PXMP4: variants seen among roughly 807,000 people sequenced by gnomAD.
The protein encoded by PXMP4 is peroxisomal membrane protein 4.
PXMP4 carries 16 observed loss-of-function variants against 21.6 expected under a neutral mutation model. The observed-to-expected ratio is 0.74, with a 90% confidence interval of 0.50 to 1.13. PXMP4 has a LOEUF of 1.13. Ranked by LOEUF, PXMP4 falls within the 50% of genes most tolerant of loss-of-function variation. The pLI, the probability that PXMP4 is intolerant of heterozygous loss-of-function variation, is 0.00. For missense variants in PXMP4, 240 were observed against 277.7 expected (o/e 0.86, Z 0.96); for synonymous variants, 127 against 123.8 (o/e 1.03, Z -0.17).
chr20:33,709,062 A>AG (rs1440880856), intron 3 of PXMP4, among the ~76,000 whole-genome samples: 4 of 152,202 alleles, frequency 2.6e-5, no homozygotes, highest in African/African-American at 9.7e-5. Context: ...GGAGACCAAG[A>AG]GGGGGTGCAT....
intron 1 of PXMP4, among the ~76,000 whole-genome samples, chr20:33,719,678 G>A (rs1347216136): frequency 6.6e-6 from 1 of 152,178 alleles, no homozygotes; most frequent in East Asian, 1.9e-4. Flanking sequence ...CAAGCCCATG[G>A]GCAAGCTTCA....
rs368893065 is a variant in PXMP4 at position 33,720,085 on chromosome 20, C to T, written c.113+10G>A. ...CCTCAGCCCCAGCCCGGCCCGACGG[C>T]CCCACTCACACAGCCCCGTTCCGGA... On this transcript the variant is annotated intron_variant, in intron 1 of 3. Coordinates refer to ENST00000409299, the MANE Select transcript of PXMP4 (RefSeq NM_007238.5). 6.2e-6 allele frequency: 10 copies of T among 1,612,224 alleles called. No individual in the cohort carries two copies. The highest frequency in any genetic ancestry group is 3.3e-4 in the Middle Eastern group (2 of 6,070).
In PXMP4 at chr20:33,707,623, T is replaced by G; in HGVS notation, c.*83A>C. On this transcript the variant is annotated 3_prime_UTR_variant, in exon 4 of 4. Transcript: ENST00000409299. ...ATAACACCAGTTGGAGTCTGAGGCC[T>G]ATGATCTTGAGAAGGCAGTATCCTT... is the stretch of plus-strand genomic sequence containing the variant. 6.6e-7 allele frequency: 1 copy of G among 1,524,440 alleles called. No individual in the cohort carries two copies. Among genetic ancestry groups the G allele is most frequent in the Non-Finnish European group, 8.9e-7 (1 of 1,122,618 alleles). 94.4% of individuals were successfully genotyped at this position (1,524,440 alleles called of 1,614,324 possible). A position where few individuals can be genotyped will look rare whatever the true frequency, so the allele number is the denominator to read the frequency against.
intron 2 of PXMP4, among the ~76,000 whole-genome samples, chr20:33,713,854 C>T (rs1395275902): frequency 6.6e-6 from 1 of 152,188 alleles, no homozygotes; most frequent in Admixed American, 6.5e-5. Flanking sequence ...GACCGCAACC[C>T]GTTTTCTGAG....
Position 33,710,609 on chromosome 20 carries a change from C to T in PXMP4, c.321G>A (p.Ala107=), listed in dbSNP as rs1202682689. Residue 107 remains alanine (A), a synonymous_variant, in exon 3 of 4, where the codon GCG becomes GCA. Transcript: ENST00000409299. ...GKTYPAHAFL[A]AFLGGILVFG... ...ACACCAGGATACCCCCGAGGAAGGC[C>T]GCCAGGAATGCGTGTGCTGGGTAGG... 7 of 1,613,706 alleles carry T rather than the reference C, an allele frequency of 4.3e-6. No homozygotes were observed. The highest frequency in any genetic ancestry group is 4.0e-5 in the African/African-American group (3 of 74,808).
At position 33,707,619 on chromosome 20, in the gene PXMP4, G is replaced by C. The variant is rs2018271839; in HGVS notation, c.*87C>G. On this transcript the variant is annotated 3_prime_UTR_variant, in exon 4 of 4. Coordinates refer to ENST00000409299, the MANE Select transcript of PXMP4 (RefSeq NM_007238.5). ...TGGGATAACACCAGTTGGAGTCTGAGGCCTATGATCTTGAGAAGGCAGTAT... is the reference window on the plus strand; with the variant it reads ...TGGGATAACACCAGTTGGAGTCTGACGCCTATGATCTTGAGAAGGCAGTAT... 2.0e-6 allele frequency: 3 copies of C among 1,507,094 alleles called. No individual in the cohort carries two copies. The highest frequency in any genetic ancestry group is 2.5e-5 in the South Asian group (2 of 79,152). The allele number at this position is 1,507,094 out of a possible 1,614,324, so 93.4% of individuals were successfully genotyped here. A position where few individuals can be genotyped will look rare whatever the true frequency, so the allele number is the denominator to read the frequency against.
intron 2 of PXMP4, among the ~76,000 whole-genome samples, chr20:33,711,999 A>G (rs2122585904): frequency 6.6e-6 from 1 of 151,486 alleles, no homozygotes; most frequent in East Asian, 1.9e-4. Context: ...AAAAAAAAAA[A>G]TCACTAGGGG....
In PXMP4 at chr20:33,707,515, A is replaced by G; in HGVS notation, c.*191T>C. On this transcript the variant is annotated 3_prime_UTR_variant, in exon 4 of 4. Transcript: ENST00000409299. ...ACCAAGCCGTAGATTCCTCAGCCTGATTCGGCCACTTGTGCCACCATACAA... is the reference window on the plus strand; with the variant it reads ...ACCAAGCCGTAGATTCCTCAGCCTGGTTCGGCCACTTGTGCCACCATACAA... The G allele has an allele frequency of 1.2e-6, 1 of 803,126 alleles. No homozygotes were observed. Among genetic ancestry groups the G allele is most frequent in the Non-Finnish European group, 1.9e-6 (1 of 529,864 alleles). 49.7% of individuals were successfully genotyped at this position (803,126 alleles called of 1,614,324 possible). A position where few individuals can be genotyped will look rare whatever the true frequency, so the allele number is the denominator to read the frequency against.
In PXMP4 at chr20:33,705,684, G is replaced by C. The variant is rs935012990; in HGVS notation, c.*2022C>G. The C allele has an allele frequency of 6.6e-6, 1 of 151,716 alleles. No individual in the cohort carries two copies. Among genetic ancestry groups the C allele is most frequent in the African/African-American group, 2.4e-5 (1 of 41,290 alleles). The allele number at this position is 151,716 out of a possible 1,614,324, so 9.4% of individuals were successfully genotyped here. On this transcript the variant is annotated 3_prime_UTR_variant, in exon 4 of 4. Transcript: ENST00000409299. ...TGTCCCCATCACTCCTCATCGCATA[G>C]CACTATGTCATTGTAGGCCCCTATG...
In PXMP4 at chr20:33,703,570, G is replaced by C. The variant is rs1482886756; in HGVS notation, c.*4136C>G. On this transcript the variant is annotated 3_prime_UTR_variant, in exon 4 of 4. Coordinates refer to ENST00000409299, the MANE Select transcript of PXMP4 (RefSeq NM_007238.5). ...AGCAGACTCTAAGACAAGGGTTTGA[G>C]TGCAAGTGGTTCATATGGGAAGTGG... 6.6e-6 allele frequency: 1 copy of C among 152,336 alleles called. No homozygotes were observed. Among genetic ancestry groups the C allele is most frequent in the Non-Finnish European group, 1.5e-5 (1 of 68,116 alleles). The allele number at this position is 152,336 out of a possible 1,614,324, so 9.4% of individuals were successfully genotyped here.
At chr20:33,708,689 A>T (rs1395568760) in intron 3 of PXMP4, among the ~76,000 whole-genome samples, 4 of 150,798 alleles carry the variant, frequency 2.7e-5, no homozygotes, top group South Asian at 2.1e-4. Context: ...AAATGGTAAA[A>T]TTTTTTTTTC....
In PXMP4 at chr20:33,717,660, T is replaced by TAAAAAAAAAAAAAAA. The variant is rs2018398410; in HGVS notation, c.113+2434_113+2435insTTTTTTTTTTTTTTT. Among the ~76,000 whole-genome samples, 27 of 109,032 alleles carry TAAAAAAAAAAAAAAA rather than the reference T, an allele frequency of 2.5e-4. 1 individual carries two copies. The highest frequency in any genetic ancestry group is 1.1e-3 in the African/African-American group (26 of 24,194). 71.5% of individuals were successfully genotyped at this position (109,032 alleles called of 152,430 possible). ...GTCTCAAAAAAAAAAAAAAAAAAATTATTAAATATTTTAAATGTTACATAA... is the reference window on the plus strand; with the variant it reads ...GTCTCAAAAAAAAAAAAAAAAAAATTAAAAAAAAAAAAAAAATTAAATATTTTAAATGTTACATAA... On this transcript the variant is annotated intron_variant, in intron 1 of 3. Transcript: ENST00000409299.
In PXMP4 at chr20:33,705,373, G is replaced by A. The variant is rs537130055; in HGVS notation, c.*2333C>T. The stretch of plus-strand genomic sequence containing the variant: ...TCCCAGCATTTTGGGAGGCCAAGGT[G>A]GGTGGATCATGAGGTCAGGAGATTG... On this transcript the variant is annotated 3_prime_UTR_variant, in exon 4 of 4. Transcript: ENST00000409299. 1 of 151,638 alleles carries A rather than the reference G, an allele frequency of 6.6e-6. No individual in the cohort carries two copies. Among genetic ancestry groups the A allele is most frequent in the Non-Finnish European group, 1.5e-5 (1 of 67,884 alleles). 9.4% of individuals were successfully genotyped at this position (151,638 alleles called of 1,614,324 possible).
At position 33,704,751 on chromosome 20, in the gene PXMP4, C is replaced by G; in HGVS notation, c.*2955G>C. 1 of 152,200 alleles carries G rather than the reference C, an allele frequency of 6.6e-6. No individual in the cohort carries two copies. Among genetic ancestry groups the G allele is most frequent in the Non-Finnish European group, 1.5e-5 (1 of 68,054 alleles). 9.4% of individuals were successfully genotyped at this position (152,200 alleles called of 1,614,324 possible). On this transcript the variant is annotated 3_prime_UTR_variant, in exon 4 of 4. Transcript: ENST00000409299. Reference sequence around the variant, plus strand: ...CTCAGAGCAGCACCACTGGCAGCACCAGGGAGCCTGGGAGAAATGCAGACT... The same window carrying G: ...CTCAGAGCAGCACCACTGGCAGCACGAGGGAGCCTGGGAGAAATGCAGACT...
Position 33,707,444 on chromosome 20 carries a change from T to C in PXMP4, c.*262A>G. 1 of 465,308 alleles carries C rather than the reference T, an allele frequency of 2.1e-6. No homozygotes were observed. The highest frequency in any genetic ancestry group is 3.9e-6 in the Non-Finnish European group (1 of 259,016). The allele number at this position is 465,308 out of a possible 1,614,324, so 28.8% of individuals were successfully genotyped here. A position where few individuals can be genotyped will look rare whatever the true frequency, so the allele number is the denominator to read the frequency against. On this transcript the variant is annotated 3_prime_UTR_variant, in exon 4 of 4. Transcript: ENST00000409299. ...TCCTTGACCCCTGAGGCCTAGAGAG[T>C]AGTGTGGCTGGCCCCAGTCTCACAG... is the stretch of plus-strand genomic sequence containing the variant.
intron 1 of PXMP4, among the ~76,000 whole-genome samples, chr20:33,716,482 C>T (rs971542989): frequency 2.0e-5 from 3 of 152,336 alleles, no homozygotes; most frequent in South Asian, 4.1e-4. Flanking sequence ...CCTCCTGATG[C>T]TCCAGCCTAG....
chr20:33,717,101 C>T (rs946260462), intron 1 of PXMP4, among the ~76,000 whole-genome samples: 1 of 151,836 alleles, frequency 6.6e-6, no homozygotes, highest in African/African-American at 2.4e-5. Context: ...TCTCTTGAAC[C>T]CAGGAGGCAG....
At chr20:33,715,422 GT>G (rs1355927521) in intron 1 of PXMP4, among the ~76,000 whole-genome samples, 1 of 151,894 alleles carries the variant, frequency 6.6e-6, no homozygotes, top group Non-Finnish European at 1.5e-5. Context: ...CAGAGGGCTG[GT>G]TGTAATTTTT....
intron 2 of PXMP4, 54 bp from the exon 3 acceptor site, chr20:33,710,807 G>A (rs1601204745): frequency 6.7e-7 from 1 of 1,491,916 alleles, no homozygotes; most frequent in Non-Finnish European, 9.0e-7. Context: ...GCCCCAAAGG[G>A]CTTTTACGCA....
Sources: gnomAD v4.1 joint callset for allele counts (sites outside exome capture counted in the v4.1 genomes callset) on GRCh38, gnomAD v4.1.1 for gene constraint, MANE v1.5 for transcripts, NCBI Gene and HGNC (gene_info 2026-07-23, HGNC 2026-07-21) for gene names.